The following C5orf34 variants were observed in gnomAD, a reference collection of about 807,000 sequenced individuals.
The protein encoded by C5orf34 is chromosome 5 open reading frame 34.
Under a neutral mutation model 78.4 loss-of-function variants are expected in C5orf34, and 73 were observed. That is an observed-to-expected ratio of 0.93 (90% CI 0.77 to 1.13). The LOEUF is 1.13. Ranked by LOEUF, C5orf34 falls within the 50% of genes most tolerant of loss-of-function variation. The probability of loss-of-function intolerance (pLI) is 0.00; values close to 1 mark genes in which losing one functional copy is unlikely to be tolerated. For synonymous variants in C5orf34, 251 were observed against 246.6 expected (o/e 1.02, Z -0.17); for missense variants, 730 against 732.7 (o/e 1.00, Z 0.04).
chr5:43,495,925 A>T, intron 6 of C5orf34: 1 of 1,591,736 alleles, frequency 6.3e-7, no homozygotes. Flanking sequence ...CAATTTTCTT[A>T]ATGTAAGTGC....
At chr5:43,508,509 A>C in intron 3 of C5orf34, 68 bp downstream of exon 3, 4 of 945,588 alleles carry the variant, frequency 4.2e-6, no homozygotes, top group Non-Finnish European at 6.7e-6. Flanking sequence ...AAGGCTAAAT[A>C]TTAAATTACC....
intron 12 of C5orf34, among the ~76,000 whole-genome samples, 180 bp from the exon 13 acceptor site, chr5:43,487,291 C>T (rs1030406670): frequency 6.6e-6 from 1 of 151,920 alleles, no homozygotes; most frequent in African/African-American, 2.4e-5. Flanking sequence ...AAACTAATTA[C>T]AGTATAAGGG....
intron 1 of C5orf34, 66 bp downstream of exon 1, chr5:43,514,740 A>C (rs1472542893): frequency 1.3e-5 from 2 of 152,182 alleles, no homozygotes; most frequent in Non-Finnish European, 2.9e-5. Flanking sequence ...ATTTCTTTCA[A>C]AATGCTATAG....
chr5:43,496,035 T>A, intron 6 of C5orf34: 1 of 1,591,360 alleles, frequency 6.3e-7, no homozygotes, highest in Non-Finnish European at 8.5e-7. Flanking sequence ...ACACCCAGTG[T>A]GTAAGCCAGA....
chr5:43,499,086 C>T (rs1745658004), intron 6 of C5orf34, among the ~76,000 whole-genome samples: 1 of 152,150 alleles, frequency 6.6e-6, no homozygotes, highest in South Asian at 2.1e-4. Context: ...AAGAAAATGT[C>T]ACCCAATATT....
rs201341414 is a variant in C5orf34, at chr5:43,492,733, A to G, written c.1472T>C (p.Ile491Thr). 27 of 1,612,574 alleles carry G rather than the reference A, an allele frequency of 1.7e-5. No individual in the cohort carries two copies. The highest frequency in any genetic ancestry group is 2.1e-5 in the Non-Finnish European group (25 of 1,179,128). Reference sequence around the variant, plus strand: ...AAGTATACCCACCTGTCTCTTCTCAATAGGAGAGCTGAAATTCCAATTTAG... The same window carrying G: ...AAGTATACCCACCTGTCTCTTCTCAGTAGGAGAGCTGAAATTCCAATTTAG... The part of the protein sequence containing the change: ...LTLNWNFSSP[I>T]EKRQVNQGLN... The change falls in exon 9 of 13, where the codon ATT (isoleucine) becomes ACT (threonine). Residue 491 changes from isoleucine (I) to threonine (T), a missense_variant. Coordinates refer to ENST00000306862, the MANE Select transcript of C5orf34 (RefSeq NM_198566.4).
At chr5:43,499,496 T>C (rs1365751883) in intron 6 of C5orf34, among the ~76,000 whole-genome samples, 1 of 152,138 alleles carries the variant, frequency 6.6e-6, no homozygotes, top group East Asian at 1.9e-4. Context: ...ATACAATAAA[T>C]AATACATTAA....
At chr5:43,513,160 A>C (rs888321955) in intron 1 of C5orf34, among the ~76,000 whole-genome samples, 2 of 152,104 alleles carry the variant, frequency 1.3e-5, no homozygotes, top group African/African-American at 4.8e-5. Context: ...TCTTCTGAGG[A>C]TATGTCAGGA....
rs143336043 is a variant in C5orf34 at position 43,508,639 on chromosome 5, G to A, written c.223C>T (p.Arg75Ter). The change falls in exon 3 of 13, where the codon CGA becomes TGA. Residue 75 changes from arginine (R) to a stop codon, truncating the protein, a stop_gained. Transcript: ENST00000306862. LOFTEE classifies it high-confidence loss of function. ...REQLQRALDF[R>*]NSSATCPFLS... ...AAAGGGCAAGTAGCTGAAGAGTTTCGAAAATCTAGGGCTCGCTGTAGTTGC... is the reference window on the plus strand; with the variant it reads ...AAAGGGCAAGTAGCTGAAGAGTTTCAAAAATCTAGGGCTCGCTGTAGTTGC... 268 of 1,608,534 alleles carry A rather than the reference G, an allele frequency of 1.7e-4. No homozygotes were observed. In the East Asian group the frequency reaches 1.7e-3, roughly 10 times the overall value.
chr5:43,514,682 T>A (rs1273429436), intron 1 of C5orf34, 124 bp downstream of exon 1: 1 of 152,180 alleles, frequency 6.6e-6, no homozygotes, highest in East Asian at 1.9e-4. Flanking sequence ...AGGGTATGTT[T>A]AACACTCAAA....
intron 11 of C5orf34, among the ~76,000 whole-genome samples, chr5:43,490,018 G>C (rs1015318134): frequency 3.9e-5 from 6 of 152,040 alleles, no homozygotes; most frequent in African/African-American, 1.4e-4. Context: ...CTAATAGATA[G>C]CATATGTTCC....
At chr5:43,491,252 G>C (rs1745267749) in intron 10 of C5orf34, among the ~76,000 whole-genome samples, 1 of 152,150 alleles carries the variant, frequency 6.6e-6, no homozygotes, top group South Asian at 2.1e-4. Context: ...ATGATTGGCT[G>C]AATCAATAGA....
In C5orf34 at chr5:43,502,452, C is replaced by A. The variant is rs1745797470; in HGVS notation, c.1072G>T (p.Asp358Tyr). Residue 358 changes from aspartate (D) to tyrosine (Y), a missense_variant, in exon 6 of 13, where the codon GAT (aspartate) becomes TAT (tyrosine). Transcript: ENST00000306862. ...CCTTCTGATTTGAAAACAGATCCAT[C>A]CCCAGAATAAATCTCTATTGAGTTC... ...NMNSIEIYSG[D>Y]GSVFKSEGAY... 2.5e-6 allele frequency: 4 copies of A among 1,581,224 alleles called. No homozygotes were observed. Among genetic ancestry groups the A allele is most frequent in the Non-Finnish European group, 3.5e-6 (4 of 1,151,170 alleles).
chr5:43,491,461 C>T (rs937611650), intron 10 of C5orf34, among the ~76,000 whole-genome samples: 1 of 151,884 alleles, frequency 6.6e-6, no homozygotes, highest in African/African-American at 2.4e-5. Context: ...ATTAGATAAA[C>T]CAAAAGAAAA....
At chr5:43,500,638 C>G (rs1745719474) in intron 6 of C5orf34, among the ~76,000 whole-genome samples, 1 of 152,196 alleles carries the variant, frequency 6.6e-6, no homozygotes, top group Admixed American at 6.5e-5. Flanking sequence ...TCATGTGATC[C>G]ACCAGCCTTG....
intron 5 of C5orf34, 79 bp from the exon 6 acceptor site, chr5:43,502,574 G>A: frequency 1.2e-6 from 1 of 824,826 alleles, no homozygotes; most frequent in Non-Finnish European, 2.0e-6. Flanking sequence ...TCAAAAAACA[G>A]TAACAACAAA....
rs1263628914 is a variant in C5orf34, at chr5:43,508,669, A to G, written c.196-3T>C. Reference sequence around the variant, plus strand: ...TCTAGGGCTCGCTGTAGTTGCTCCTATGAAAAGAAATATAAAATGTAACCT... The same window carrying G: ...TCTAGGGCTCGCTGTAGTTGCTCCTGTGAAAAGAAATATAAAATGTAACCT... On this transcript the variant is annotated splice_polypyrimidine_tract_variant and splice_region_variant and intron_variant, in intron 2 of 12. Coordinates refer to ENST00000306862, the MANE Select transcript of C5orf34 (RefSeq NM_198566.4). 1.3e-6 allele frequency: 2 copies of G among 1,542,888 alleles called. No homozygotes were observed. The highest frequency in any genetic ancestry group is 1.7e-5 in the Admixed American group (1 of 58,862).
In C5orf34 at chr5:43,502,441, A is replaced by G. The variant is rs938605766; in HGVS notation, c.1083T>C (p.Val361=). The G allele has an allele frequency of 1.3e-6, 2 of 1,591,196 alleles. No individual in the cohort carries two copies. The highest frequency in any genetic ancestry group is 1.7e-6 in the Non-Finnish European group (2 of 1,159,978). ...CAAAATAAGCCCCTTCTGATTTGAA[A>G]ACAGATCCATCCCCAGAATAAATCT... is the stretch of plus-strand genomic sequence containing the variant. The part of the protein sequence containing the change: ...SIEIYSGDGS[V]FKSEGAYFGN... Residue 361 remains valine (V), a synonymous_variant, in exon 6 of 13, where the codon GTT becomes GTC. Transcript: ENST00000306862.
chr5:43,489,064 C>T (rs1202443223), intron 11 of C5orf34, among the ~76,000 whole-genome samples: 1 of 151,676 alleles, frequency 6.6e-6, no homozygotes, highest in Non-Finnish European at 1.5e-5. Context: ...ACAACTTACC[C>T]CAACAACCAG....
Sources: allele counts gnomAD v4.1 joint callset (sites outside exome capture counted in the v4.1 genomes callset), GRCh38; gene constraint gnomAD v4.1.1; transcripts MANE v1.5; gene names NCBI Gene and HGNC (gene_info 2026-07-23, HGNC 2026-07-21).